The following SLC8A3 variants were observed in gnomAD, a reference collection of about 807,000 sequenced individuals.
The protein encoded by SLC8A3 is solute carrier family 8 member A3.
Under a neutral mutation model 65.4 loss-of-function variants are expected in SLC8A3, and 37 were observed. The observed-to-expected ratio is 0.57, with a 90% CI of 0.44 to 0.74. The LOEUF (loss-of-function observed/expected upper bound fraction) is 0.74. Ranked by LOEUF, SLC8A3 falls within the 30% of genes least tolerant of loss-of-function variation. The probability of loss-of-function intolerance (pLI) is 0.00; values close to 1 mark genes in which losing one functional copy is unlikely to be tolerated. For synonymous variants in SLC8A3, 461 were observed against 444.5 expected (o/e 1.04, Z -0.47); for missense variants, 1,112 against 1,172.1 (o/e 0.95, Z 0.75).
At chr14:70,104,978 T>C (rs532840426) in intron 2 of SLC8A3, among the ~76,000 whole-genome samples, 4 of 152,108 alleles carry the variant, frequency 2.6e-5, no homozygotes, top group African/African-American at 7.2e-5. Context: ...ATAATGTAGA[T>C]AAAAAATAGG....
intron 2 of SLC8A3, among the ~76,000 whole-genome samples, chr14:70,100,445 T>C (rs1368744464): frequency 6.6e-6 from 1 of 152,218 alleles, no homozygotes; most frequent in African/African-American, 2.4e-5. Context: ...GTAGTCTTTA[T>C]TGGTTTTTTA....
At chr14:70,090,629 T>C (rs879497748) in intron 2 of SLC8A3, among the ~76,000 whole-genome samples, 6 of 152,014 alleles carry the variant, frequency 3.9e-5, no homozygotes, top group Non-Finnish European at 8.8e-5. Context: ...GAAAAACTTG[T>C]ATATATATAG....
At chr14:70,117,028 TTTTTTTAA>T (rs1488161523) in intron 2 of SLC8A3, among the ~76,000 whole-genome samples, 1 of 152,282 alleles carries the variant, frequency 6.6e-6, no homozygotes, top group Admixed American at 6.5e-5. Context: ...CATAGCTTGA[TTTTTTTAA>T]AAATTACCTG....
intron 2 of SLC8A3, among the ~76,000 whole-genome samples, chr14:70,155,311 A>T (rs1285888270): frequency 1.3e-5 from 2 of 152,126 alleles, no homozygotes; most frequent in Non-Finnish European, 2.9e-5. Flanking sequence ...TTCACCCTAC[A>T]GTGCTACAAA....
intron 2 of SLC8A3, among the ~76,000 whole-genome samples, chr14:70,106,289 T>C (rs956189176): frequency 6.6e-5 from 10 of 152,086 alleles, no homozygotes; most frequent in African/African-American, 2.4e-4. Context: ...ATAAATAAAA[T>C]TTATTTTGCA....
intron 2 of SLC8A3, among the ~76,000 whole-genome samples, chr14:70,092,464 T>C (rs114842974): frequency 1.0e-3 from 158 of 152,240 alleles, no homozygotes; most frequent in African/African-American, 3.6e-3. Flanking sequence ...TGTCCATACC[T>C]CCCTCTAGAC....
At chr14:70,061,427 C>T (rs895587136) in intron 2 of SLC8A3, among the ~76,000 whole-genome samples, 3 of 151,964 alleles carry the variant, frequency 2.0e-5, no homozygotes, top group Non-Finnish European at 4.4e-5. Context: ...GAACCCAGGG[C>T]TTGTGTCCCT....
chr14:70,151,906 G>A (rs777087463), intron 2 of SLC8A3, among the ~76,000 whole-genome samples: 16 of 151,852 alleles, frequency 1.1e-4, no homozygotes, highest in Non-Finnish European at 2.2e-4. Flanking sequence ...AGGATCTAGG[G>A]CCCATTCTAA....
At chr14:70,082,944 G>A (rs141649846) in intron 2 of SLC8A3, among the ~76,000 whole-genome samples, 3 of 152,060 alleles carry the variant, frequency 2.0e-5, no homozygotes, top group East Asian at 1.9e-4. Flanking sequence ...TTCATATCCC[G>A]GCAATTTTTC....
chr14:70,074,246 G>A (rs1197512307), intron 2 of SLC8A3, among the ~76,000 whole-genome samples: 1 of 152,200 alleles, frequency 6.6e-6, no homozygotes, highest in Non-Finnish European at 1.5e-5. Flanking sequence ...CAAAGGGGTT[G>A]TCAGAAATTT....
chr14:70,045,957 T>C lies in SLC8A3; in HGVS notation c.2756A>G (p.Lys919Arg), dbSNP rs1472049533. The part of the protein sequence containing the change: ...FATLEAYCYI[K>R]GF ...GCTCTGTTGTGTGGCTTAGAACCCC[T>C]TGATGTAGCAATAGGCCTCTAGTGT... The change falls in exon 7 of 7, where the codon AAG becomes AGG. Residue 919 changes from lysine to arginine, a missense_variant. Transcript: ENST00000356921. 1.3e-6 allele frequency: 2 copies of C among 1,593,702 alleles called. No individual in the cohort carries two copies. Among genetic ancestry groups the C allele is most frequent in the East Asian group, 4.5e-5 (2 of 44,360 alleles).
intron 2 of SLC8A3, among the ~76,000 whole-genome samples, chr14:70,119,187 C>G (rs1893866249): frequency 4.3e-4 from 1 of 2,346 alleles, no homozygotes; most frequent in African/African-American, 4.6e-4. Context: ...AAGAAGCACT[C>G]TTTTCCCCCC....
chr14:70,051,009 T>C lies in SLC8A3; in HGVS notation c.2112A>G (p.Ala704=), dbSNP rs553208954. 3.1e-6 allele frequency: 5 copies of C among 1,601,602 alleles called. No individual in the cohort carries two copies. The African/African-American group carries it at 6.7e-5, about 21-fold the overall frequency. Residue 704 remains alanine (A), a splice_region_variant and synonymous_variant, in exon 5 of 7, where the codon GCA becomes GCG. Transcript: ENST00000356921. ...AGGCCAGCCTGAGACACTTCTCACC[T>C]GCACTGACGGTGATGGCCTCCATGA... ...DQFMEAITVS[A]AGDEDEDESG... is the part of the protein sequence containing the mutation.
intron 2 of SLC8A3, among the ~76,000 whole-genome samples, chr14:70,064,889 A>C (rs775723374): frequency 6.6e-6 from 1 of 152,124 alleles, no homozygotes; most frequent in Non-Finnish European, 1.5e-5. Flanking sequence ...GAGCTTTAAA[A>C]ACAGATGTAG....
chr14:70,066,138 T>C (rs1244559687), intron 2 of SLC8A3, among the ~76,000 whole-genome samples: 1 of 152,114 alleles, frequency 6.6e-6, no homozygotes, highest in Non-Finnish European at 1.5e-5. Flanking sequence ...GAGCAAGGAA[T>C]GAATGGAGGA....
intron 2 of SLC8A3, among the ~76,000 whole-genome samples, chr14:70,160,967 G>C (rs1056103309): frequency 6.6e-6 from 1 of 151,188 alleles, no homozygotes; most frequent in Admixed American, 6.6e-5. Flanking sequence ...TAGCATGGTC[G>C]GGCACGGTGG....
intron 2 of SLC8A3, among the ~76,000 whole-genome samples, chr14:70,125,818 T>C (rs1385656384): frequency 2.0e-5 from 3 of 152,188 alleles, no homozygotes; most frequent in African/African-American, 7.2e-5. Flanking sequence ...CCATGGGTTC[T>C]GATTTAATTA....
Position 70,168,453 on chromosome 14 carries a change from A to T in SLC8A3, c.-31T>A. 6.4e-7 allele frequency: 1 copy of T among 1,566,354 alleles called. No individual in the cohort carries two copies. On this transcript the variant is annotated 5_prime_UTR_variant, in exon 2 of 7. Transcript: ENST00000356921. ...AGACTTAGCCACTGGCTTCTATTGC[A>T]GCACCAGTTGTCCTCCTGATAGGCC...
At chr14:70,110,668 T>G (rs1893230696) in intron 2 of SLC8A3, among the ~76,000 whole-genome samples, 1 of 124,800 alleles carries the variant, frequency 8.0e-6, no homozygotes, top group Non-Finnish European at 1.6e-5. Context: ...TGCAGATACC[T>G]CTTTCTTTTT....
Sources: allele counts gnomAD v4.1 joint callset (sites outside exome capture counted in the v4.1 genomes callset), GRCh38; gene constraint gnomAD v4.1.1; transcripts MANE v1.5; gene names NCBI Gene and HGNC (gene_info 2026-07-23, HGNC 2026-07-21).